The following SYT1 variants were observed in gnomAD, a reference collection of about 807,000 sequenced individuals.
The protein encoded by SYT1 is synaptotagmin-1.
Under a neutral mutation model 44.8 loss-of-function variants are expected in SYT1, and 8 were observed. The ratio of observed to expected loss-of-function variants is 0.18; its 90% CI spans 0.10 to 0.32. The LOEUF is 0.32. SYT1 is among the 10% of genes least tolerant of loss of function. The pLI, the probability that SYT1 is intolerant of heterozygous loss-of-function variation, is 1.00. For synonymous variants in SYT1, 154 were observed against 188.8 expected, an observed-to-expected ratio of 0.82 and a Z score of 1.51; for missense variants, 286 against 509.3, an observed-to-expected ratio of 0.56 and a Z score of 4.22.
intron 9 of SYT1, among the ~76,000 whole-genome samples, chr12:79,412,270 T>C (rs1868477684): frequency 6.6e-6 from 1 of 152,114 alleles, no homozygotes; most frequent in South Asian, 2.1e-4. Flanking sequence ...ATGCAGAGTG[T>C]GTTTACTGGA....
At chr12:78,885,366 A>G (rs1299686757) in intron 1 of SYT1, among the ~76,000 whole-genome samples, 2 of 146,228 alleles carry the variant, frequency 1.4e-5, no homozygotes, top group Admixed American at 1.4e-4. Context: ...GAAGGAAGGA[A>G]GGAAGGGAGG....
chr12:78,983,365 G>A (rs575756183), intron 2 of SYT1, among the ~76,000 whole-genome samples: 1 of 152,092 alleles, frequency 6.6e-6, no homozygotes, highest in African/African-American at 2.4e-5. Context: ...GGCCTCAAAG[G>A]CATCTTTTCT....
chr12:79,026,689 ATATATATATAT>A (rs1565769742), intron 2 of SYT1, among the ~76,000 whole-genome samples: 44 of 138,952 alleles, frequency 3.2e-4, no homozygotes, highest in African/African-American at 1.1e-3. Context: ...ATATATATAT[ATATATATATAT>A]ATCACACTTT....
At chr12:79,443,572 T>TAATA (rs1870547411) in intron 9 of SYT1, among the ~76,000 whole-genome samples, 5 of 152,322 alleles carry the variant, frequency 3.3e-5, no homozygotes, top group Middle Eastern at 3.4e-3. Context: ...GATACTCAAC[T>TAATA]AATATTGATG....
intron 4 of SYT1, among the ~76,000 whole-genome samples, chr12:79,231,480 T>C (rs1317852590): frequency 6.6e-6 from 1 of 151,922 alleles, no homozygotes; most frequent in African/African-American, 2.4e-5. Context: ...TTTTCACACA[T>C]ACAAGTTTTT....
chr12:79,080,848 C>T (rs940559153), intron 3 of SYT1, among the ~76,000 whole-genome samples: 5 of 152,144 alleles, frequency 3.3e-5, no homozygotes, highest in Non-Finnish European at 5.9e-5. Flanking sequence ...AATACTTCGT[C>T]AAAACAGTTT....
intron 2 of SYT1, among the ~76,000 whole-genome samples, chr12:78,981,536 A>C (rs1282013455): frequency 6.6e-6 from 1 of 152,200 alleles, no homozygotes; most frequent in Admixed American, 6.6e-5. Flanking sequence ...ATGCTAACTC[A>C]GTGAGTGCCA....
At chr12:79,401,683 T>C (rs2136114882) in intron 9 of SYT1, among the ~76,000 whole-genome samples, 1 of 151,994 alleles carries the variant, frequency 6.6e-6, no homozygotes, top group South Asian at 2.1e-4. Flanking sequence ...TTTTTTTTTT[T>C]TTTGGAGACA....
intron 1 of SYT1, among the ~76,000 whole-genome samples, chr12:78,898,227 T>C (rs73349521): frequency 7.2e-5 from 11 of 152,150 alleles, no homozygotes; most frequent in African/African-American, 2.6e-4. Context: ...TAGACTTATT[T>C]TGAGGATTAG....
chr12:78,865,061 A>C lies in SYT1; in HGVS notation c.-265A>C, dbSNP rs909923092. ...GTGCCTCGCGCCGGTCCACGCGGGG[A>C]GAGCACTGGGGACCGAGACCCGGCA... On this transcript the variant is annotated 5_prime_UTR_variant, in exon 1 of 11. Transcript: ENST00000261205. The C allele has an allele frequency of 6.6e-6, 1 of 152,146 alleles. No individual in the cohort carries two copies. The highest frequency in any genetic ancestry group is 1.5e-5 in the Non-Finnish European group (1 of 68,088). The allele number at this position is 152,146 out of a possible 1,614,324, so 9.4% of individuals were successfully genotyped here.
Position 79,296,197 on chromosome 12 carries a change from A to T in SYT1, c.603A>T (p.Lys201Asn). 6.2e-7 allele frequency: 1 copy of T among 1,613,958 alleles called. No homozygotes were observed. Among genetic ancestry groups the T allele is most frequent in the Non-Finnish European group, 8.5e-7 (1 of 1,179,944 alleles). The change falls in exon 7 of 11, where the codon AAA (lysine) becomes AAT (asparagine). Residue 201 changes from lysine to asparagine, a missense_variant. Lys to Asn is a moderately conservative substitution (Grantham distance 94). Transcript: ENST00000261205. ...AATTTGAGACAAAAGTCCACCGAAA[A>T]ACCCTTAATCCTGTCTTCAATGAGC... Reference protein sequence around the residue: ...KKKFETKVHRKTLNPVFNEQF... With the variant: ...KKKFETKVHRNTLNPVFNEQF...
chr12:79,081,324 AT>A (rs754317677), intron 3 of SYT1, among the ~76,000 whole-genome samples: 91 of 152,070 alleles, frequency 6.0e-4, no homozygotes, highest in Non-Finnish European at 2.1e-4. Flanking sequence ...AAAAAAGCAA[AT>A]TACTACATTT....
intron 3 of SYT1, among the ~76,000 whole-genome samples, chr12:79,122,154 C>A (rs575031961): frequency 9.7e-4 from 148 of 152,290 alleles, no homozygotes; most frequent in African/African-American, 3.5e-3. Flanking sequence ...CTCTTCATCA[C>A]TCGTATAATT....
chr12:78,928,037 T>A (rs1197007564), intron 1 of SYT1, among the ~76,000 whole-genome samples: 1 of 152,170 alleles, frequency 6.6e-6, no homozygotes, highest in Non-Finnish European at 1.5e-5. Context: ...ATTCATGCAA[T>A]GTAAGAAATA....
At chr12:79,239,279 A>G (rs1876364058) in intron 4 of SYT1, among the ~76,000 whole-genome samples, 1 of 152,242 alleles carries the variant, frequency 6.6e-6, no homozygotes, top group African/African-American at 2.4e-5. Context: ...ATCCCAATTT[A>G]GAGACATTTT....
At chr12:79,370,441 AC>A (rs1311069801) in intron 9 of SYT1, among the ~76,000 whole-genome samples, 1 of 152,198 alleles carries the variant, frequency 6.6e-6, no homozygotes, top group Non-Finnish European at 1.5e-5. Context: ...TAGTTCCCAA[AC>A]AAAAGCTAGA....
intron 2 of SYT1, among the ~76,000 whole-genome samples, chr12:79,037,307 G>A (rs1031378730): frequency 4.6e-5 from 7 of 150,684 alleles, no homozygotes; most frequent in African/African-American, 1.7e-4. Flanking sequence ...GTACATACTA[G>A]CTCTCCTGAC....
rs538684996 is a variant in SYT1, at chr12:79,349,108, C to G, written c.811-4394C>G. Among the ~76,000 whole-genome samples, 242 of 133,886 alleles carry G rather than the reference C, an allele frequency of 1.8e-3. 1 individual carries two copies. The highest frequency in any genetic ancestry group is 6.5e-3 in the African/African-American group (229 of 35,000). The allele number at this position is 133,886 out of a possible 152,430, so 87.8% of individuals were successfully genotyped here. A position where few individuals can be genotyped will look rare whatever the true frequency, so the allele number is the denominator to read the frequency against. On this transcript the variant is annotated intron_variant, in intron 8 of 10. Transcript: ENST00000261205. ...AAGGGAGGAAGGAAGGACGGACAAACAGGAGGAAGGGAGGAAGGTAGGAAG... is the reference window on the plus strand; with the variant it reads ...AAGGGAGGAAGGAAGGACGGACAAAGAGGAGGAAGGGAGGAAGGTAGGAAG...
rs374445448 is a variant in SYT1, at chr12:79,208,527, G to A, written c.-17-8976G>A. Among the ~76,000 whole-genome samples the A allele has an allele frequency of 4.6e-5, 7 of 152,310 alleles. 1 individual carries two copies. The highest frequency in any genetic ancestry group is 3.3e-4 in the Admixed American group (5 of 15,300). ...GTTATAAGAGGAAATGGAGACTGAA[G>A]CATTTCGATCAGAATGAGAAGAGAG... On this transcript the variant is annotated intron_variant, in intron 3 of 10. Coordinates refer to ENST00000261205, the MANE Select transcript of SYT1 (RefSeq NM_005639.3).
Sources: allele counts gnomAD v4.1 joint callset (sites outside exome capture counted in the v4.1 genomes callset), GRCh38; gene constraint gnomAD v4.1.1; transcripts MANE v1.5; gene names NCBI Gene and HGNC (gene_info 2026-07-23, HGNC 2026-07-21).